Variants in CAMK1D observed in about 807,000 individuals in gnomAD.
The protein encoded by CAMK1D is calcium/calmodulin-dependent protein kinase type 1D.
In CAMK1D, 9 loss-of-function variants were observed where a neutral mutation model predicts 47.7. The ratio of observed to expected loss-of-function variants is 0.19; its 90% CI spans 0.11 to 0.33. The LOEUF (loss-of-function observed/expected upper bound fraction) is 0.33. Ranked by LOEUF, CAMK1D falls within the 10% of genes least tolerant of loss-of-function variation. CAMK1D has a pLI of 1.00. For synonymous variants in CAMK1D, 184 were observed against 184.9 expected, an observed-to-expected ratio of 0.99 and a Z score of 0.04; for missense variants, 291 against 488.7, an observed-to-expected ratio of 0.60 and a Z score of 3.81.
At chr10:12,772,343 G>T (rs182408600) in intron 5 of CAMK1D, among the ~76,000 whole-genome samples, 1 of 152,162 alleles carries the variant, frequency 6.6e-6, no homozygotes, top group East Asian at 1.9e-4. Flanking sequence ...CATGATGCTG[G>T]TTCTCTTTTC....
At chr10:12,402,242 G>C (rs991067136) in intron 1 of CAMK1D, among the ~76,000 whole-genome samples, 1 of 151,720 alleles carries the variant, frequency 6.6e-6, no homozygotes, top group African/African-American at 2.4e-5. Flanking sequence ...GCGCCTGACT[G>C]CCATTTTTTG....
intron 2 of CAMK1D, among the ~76,000 whole-genome samples, chr10:12,584,872 C>T (rs929615720): frequency 1.3e-5 from 2 of 152,078 alleles, no homozygotes; most frequent in Admixed American, 6.5e-5. Context: ...AAATTAAAAT[C>T]GAGGTTCCTT....
At position 12,591,558 on chromosome 10, in the gene CAMK1D, C is replaced by T. The variant is rs1184076988; in HGVS notation, c.224+38202C>T. Among the ~76,000 whole-genome samples the T allele has an allele frequency of 4.6e-5, 7 of 152,208 alleles. No individual in the cohort carries two copies. The East Asian group carries it at 7.7e-4, about 17-fold the overall frequency. On this transcript the variant is annotated intron_variant, in intron 2 of 10. Coordinates refer to ENST00000619168, the MANE Select transcript of CAMK1D (RefSeq NM_153498.4). ...ATAGCAAGCTCTGAATAAATAGCTT[C>T]GGCTTTTCTCATTTTGGTGGGCTTC...
In CAMK1D at chr10:12,387,390, T is replaced by TAA. The variant is rs1564306892; in HGVS notation, c.92+37480_92+37481insAA. Among the ~76,000 whole-genome samples the TAA allele has an allele frequency of 4.2e-3, 135 of 31,906 alleles. 2 individuals carry two copies. Among genetic ancestry groups the TAA allele is most frequent in the East Asian group, 0.025 (13 of 520 alleles). 20.9% of individuals were successfully genotyped at this position (31,906 alleles called of 152,430 possible). Reference sequence around the variant, plus strand: ...ATATATATATTATATATTATATATATTATATATTTTTATATATTATATATA... The same window carrying TAA: ...ATATATATATTATATATTATATATATAATATATATTTTTATATATTATATATA... On this transcript the variant is annotated intron_variant, in intron 1 of 10. Coordinates refer to ENST00000619168, the MANE Select transcript of CAMK1D (RefSeq NM_153498.4).
intron 3 of CAMK1D, among the ~76,000 whole-genome samples, chr10:12,738,722 C>A (rs1393026174): frequency 6.6e-6 from 1 of 151,980 alleles, no homozygotes. Context: ...ATCCCAGCTA[C>A]TCAGGAGGCT....
chr10:12,598,445 T>C (rs1838207362), intron 2 of CAMK1D, among the ~76,000 whole-genome samples: 1 of 152,240 alleles, frequency 6.6e-6, no homozygotes, highest in African/African-American at 2.4e-5. Flanking sequence ...TTTAAACTAC[T>C]ATTTCTTGAG....
intron 1 of CAMK1D, among the ~76,000 whole-genome samples, chr10:12,465,288 C>T (rs1371633972): frequency 3.3e-5 from 5 of 152,150 alleles, no homozygotes; most frequent in Non-Finnish European, 7.3e-5. Context: ...AATTAAAATT[C>T]TCTGATAATT....
intron 1 of CAMK1D, among the ~76,000 whole-genome samples, chr10:12,362,853 C>T (rs936455878): frequency 6.6e-6 from 1 of 151,432 alleles, no homozygotes; most frequent in Admixed American, 6.6e-5. Context: ...ACTGTCTTAG[C>T]CAGGATGGTC....
At chr10:12,471,173 C>T (rs1833735611) in intron 1 of CAMK1D, among the ~76,000 whole-genome samples, 1 of 152,188 alleles carries the variant, frequency 6.6e-6, no homozygotes, top group Admixed American at 6.5e-5. Context: ...GATTCCCCCA[C>T]CCCAGCGCAC....
At chr10:12,828,514 C>A (rs796874888) in intron 10 of CAMK1D, among the ~76,000 whole-genome samples, 7 of 151,782 alleles carry the variant, frequency 4.6e-5, no homozygotes, top group South Asian at 4.2e-4. Context: ...GGTGGTGAGC[C>A]CCTGTAATCC....
intron 1 of CAMK1D, among the ~76,000 whole-genome samples, chr10:12,506,818 TG>T (rs1834889738): frequency 6.6e-6 from 1 of 152,186 alleles, no homozygotes; most frequent in South Asian, 2.1e-4. Flanking sequence ...GCGCCCGGCC[TG>T]GGCTCTTTCA....
In CAMK1D at chr10:12,800,078, C is replaced by T. The variant is rs577981640; in HGVS notation, c.641+8845C>T. Reference sequence around the variant, plus strand: ...TGCATTTTCATCACCAGTACTTTGCCGGAGTCACCCTCTGCATGGTTTAAT... The same window carrying T: ...TGCATTTTCATCACCAGTACTTTGCTGGAGTCACCCTCTGCATGGTTTAAT... On this transcript the variant is annotated intron_variant, in intron 6 of 10. Transcript: ENST00000619168. 2.6e-5 allele frequency among the ~76,000 whole-genome samples: 4 copies of T among 152,262 alleles called. No individual in the cohort carries two copies. The East Asian group carries it at 5.8e-4, about 22-fold the overall frequency.
chr10:12,471,043 C>T (rs1035811954), intron 1 of CAMK1D, among the ~76,000 whole-genome samples: 2 of 152,148 alleles, frequency 1.3e-5, no homozygotes, highest in Non-Finnish European at 2.9e-5. Flanking sequence ...TTCCTCCTTC[C>T]TCCCTTTGTG....
At chr10:12,416,480 A>G (rs1274974428) in intron 1 of CAMK1D, among the ~76,000 whole-genome samples, 1 of 152,216 alleles carries the variant, frequency 6.6e-6, no homozygotes, top group East Asian at 1.9e-4. Context: ...GGATGACTCA[A>G]GGGTCTCCGC....
intron 1 of CAMK1D, among the ~76,000 whole-genome samples, chr10:12,452,175 A>G (rs1026041833): frequency 1.3e-5 from 2 of 152,204 alleles, no homozygotes; most frequent in African/African-American, 4.8e-5. Flanking sequence ...GAACCCGACA[A>G]TGACCTTTGT....
At chr10:12,438,381 A>C (rs1314320322) in intron 1 of CAMK1D, among the ~76,000 whole-genome samples, 1 of 152,180 alleles carries the variant, frequency 6.6e-6, no homozygotes, top group African/African-American at 2.4e-5. Flanking sequence ...GGAATTATAC[A>C]TGTGGCTATT....
chr10:12,630,483 C>CTCCCTGCT (rs1839348314), intron 2 of CAMK1D, among the ~76,000 whole-genome samples: 1 of 151,656 alleles, frequency 6.6e-6, no homozygotes, highest in Admixed American at 6.6e-5. Flanking sequence ...CTTGAGTGAT[C>CTCCCTGCT]TCCCTGCTTC....
At chr10:12,648,918 C>T (rs545803897) in intron 2 of CAMK1D, among the ~76,000 whole-genome samples, 71 of 152,272 alleles carry the variant, frequency 4.7e-4, no homozygotes, top group South Asian at 1.9e-3. Flanking sequence ...TGCTCTGTTG[C>T]CTAGACTGGA....
intron 2 of CAMK1D, among the ~76,000 whole-genome samples, chr10:12,605,362 G>GTGTGTGTGTGTA (rs1838424320): frequency 6.6e-6 from 1 of 151,524 alleles, no homozygotes; most frequent in African/African-American, 2.4e-5. Context: ...GTGTGTGTGT[G>GTGTGTGTGTGTA]TGTGTATGTG....
Sources: gnomAD v4.1 joint callset for allele counts (sites outside exome capture counted in the v4.1 genomes callset) on GRCh38, gnomAD v4.1.1 for gene constraint, MANE v1.5 for transcripts, NCBI Gene and HGNC (gene_info 2026-07-23, HGNC 2026-07-21) for gene names.